Variants in NOSTRIN observed in about 807,000 individuals in gnomAD.
NOSTRIN encodes the protein BM247 homolog.
NOSTRIN carries 63 observed loss-of-function variants against 59.0 expected under a neutral mutation model. The observed-to-expected ratio is 1.07, with a 90% CI of 0.87 to 1.32. The LOEUF (loss-of-function observed/expected upper bound fraction) is 1.32. NOSTRIN is among the 40% of genes most tolerant of loss of function. NOSTRIN has a pLI of 0.00. For synonymous variants in NOSTRIN, 200 were observed against 165.4 expected, an observed-to-expected ratio of 1.21 and a Z score of -1.61; for missense variants, 512 against 473.1, an observed-to-expected ratio of 1.08 and a Z score of -0.76.
upstream of NOSTRIN, among the ~76,000 whole-genome samples, chr2:168,794,924 G>A (rs1351166375): frequency 1.3e-5 from 2 of 152,078 alleles, no homozygotes; most frequent in East Asian, 1.9e-4. Context: ...GGTATTGCAG[G>A]CACAGCATAT....
intron 11 of NOSTRIN, 193 bp downstream of exon 11, chr2:168,855,653 A>AAAAG (rs1370603085): frequency 2.2e-6 from 1 of 461,764 alleles, no homozygotes; most frequent in African/African-American, 2.1e-5. Context: ...AAAAAAAAAA[A>AAAAG]AGGAAAATCA....
intron 1 of NOSTRIN, among the ~76,000 whole-genome samples, chr2:168,809,222 C>G (rs1686016337): frequency 6.6e-6 from 1 of 152,194 alleles, no homozygotes; most frequent in Admixed American, 6.5e-5. Context: ...CTCTTTTTCT[C>G]TTTCCACTCT....
At chr2:168,854,621 A>G (rs897061543) in intron 10 of NOSTRIN, among the ~76,000 whole-genome samples, 18 of 152,068 alleles carry the variant, frequency 1.2e-4, no homozygotes, top group African/African-American at 3.4e-4. Context: ...TGCTCATGCA[A>G]CAGGTGTCTT....
upstream of NOSTRIN, among the ~76,000 whole-genome samples, chr2:168,796,336 C>G (rs1277896254): frequency 6.6e-6 from 1 of 152,198 alleles, no homozygotes; most frequent in Non-Finnish European, 1.5e-5. Flanking sequence ...AGAAAGTGCT[C>G]TTGAAGATGT....
At chr2:168,797,805 C>T (rs74831441), upstream of NOSTRIN, among the ~76,000 whole-genome samples, 328 of 152,130 alleles carry the variant, frequency 2.2e-3, 1 homozygote, top group Non-Finnish European at 2.6e-3. Context: ...TGGTGAGACC[C>T]TGTCTCTACC....
upstream of NOSTRIN, among the ~76,000 whole-genome samples, chr2:168,798,866 G>T (rs1685550584): frequency 6.6e-6 from 1 of 151,936 alleles, no homozygotes; most frequent in Non-Finnish European, 1.5e-5. Context: ...CTTGAGAGAA[G>T]AAAAATGGCT....
At chr2:168,853,893 A>C (rs1688919844) in intron 10 of NOSTRIN, among the ~76,000 whole-genome samples, 2 of 151,500 alleles carry the variant, frequency 1.3e-5, no homozygotes, top group Non-Finnish European at 3.0e-5. Context: ...TTTGAGACGG[A>C]GTCTCGCTCT....
upstream of NOSTRIN, among the ~76,000 whole-genome samples, chr2:168,795,908 GT>G (rs1051692127): frequency 3.3e-5 from 5 of 152,060 alleles, no homozygotes; most frequent in East Asian, 1.9e-4. Flanking sequence ...AAGTTGGATA[GT>G]TTTTTTTCTT....
At chr2:168,812,901 A>G (rs1686223388) in intron 2 of NOSTRIN, among the ~76,000 whole-genome samples, 1 of 152,224 alleles carries the variant, frequency 6.6e-6, no homozygotes, top group Non-Finnish European at 1.5e-5. Flanking sequence ...ACAAAAGGAA[A>G]ACATTAGCTT....
intron 2 of NOSTRIN, among the ~76,000 whole-genome samples, chr2:168,812,731 C>T (rs1407539351): frequency 2.0e-5 from 3 of 152,178 alleles, no homozygotes; most frequent in African/African-American, 7.2e-5. Context: ...CCTAGATCCT[C>T]TGGCACCACC....
intron 15 of NOSTRIN, 58 bp from the exon 16 acceptor site, chr2:168,864,776 C>T (rs990196601): frequency 1.8e-5 from 28 of 1,588,166 alleles, no homozygotes; most frequent in Admixed American, 3.5e-5. Context: ...TCTTATCAAT[C>T]GGGCTGAGGC....
chr2:168,802,929 C>T (rs1484002247), intron 1 of NOSTRIN, among the ~76,000 whole-genome samples: 1 of 152,142 alleles, frequency 6.6e-6, no homozygotes, highest in Admixed American at 6.5e-5. Context: ...AGTAAAGCCT[C>T]ATATTTGGAT....
intron 7 of NOSTRIN, among the ~76,000 whole-genome samples, 178 bp downstream of exon 7, chr2:168,834,503 G>GTGCACACACACA (rs1687575886): frequency 8.4e-6 from 1 of 119,740 alleles, no homozygotes; most frequent in South Asian, 2.6e-4. Flanking sequence ...GCGCGCGCGC[G>GTGCACACACACA]CGCGCACACA....
At chr2:168,831,091 A>G (rs1393501380) in intron 5 of NOSTRIN, among the ~76,000 whole-genome samples, 1 of 152,240 alleles carries the variant, frequency 6.6e-6, no homozygotes, top group African/African-American at 2.4e-5. Context: ...ACAAAGTACC[A>G]TAAACTGGAT....
At chr2:168,827,141 C>G (rs950161753) in intron 3 of NOSTRIN, among the ~76,000 whole-genome samples, 19 of 151,044 alleles carry the variant, frequency 1.3e-4, no homozygotes, top group Admixed American at 3.9e-4. Context: ...AGATCCACCC[C>G]CTTCCTCTTC....
At chr2:168,861,932 A>C in intron 14 of NOSTRIN, 28 bp from the exon 15 acceptor site, 1 of 1,604,754 alleles carries the variant, frequency 6.2e-7, no homozygotes, top group Non-Finnish European at 8.5e-7. Flanking sequence ...CTAACACAGC[A>C]TACTAATTAC....
intron 2 of NOSTRIN, among the ~76,000 whole-genome samples, chr2:168,819,484 G>A (rs549608735): frequency 2.6e-5 from 4 of 152,302 alleles, no homozygotes; most frequent in South Asian, 4.1e-4. Context: ...ATAAAGGAGC[G>A]ATTCTCTCAG....
upstream of NOSTRIN, among the ~76,000 whole-genome samples, chr2:168,800,282 T>G (rs1381635271): frequency 6.6e-6 from 1 of 152,210 alleles, no homozygotes; most frequent in South Asian, 2.1e-4. Flanking sequence ...GTGAACCAAA[T>G]AAAGTCTCTG....
At chr2:168,860,930 A>C in intron 14 of NOSTRIN, 21 bp downstream of exon 14, 1 of 1,542,766 alleles carries the variant, frequency 6.5e-7, no homozygotes, top group Middle Eastern at 1.7e-4. Context: ...GCCCACAATC[A>C]TTTTGGCCTG....
Sources: gnomAD v4.1 joint callset for allele counts (sites outside exome capture counted in the v4.1 genomes callset) on GRCh38, gnomAD v4.1.1 for gene constraint, MANE v1.5 for transcripts, NCBI Gene and HGNC (gene_info 2026-07-23, HGNC 2026-07-21) for gene names.